Variants in DPP10 observed in about 807,000 individuals in gnomAD.
DPP10 encodes dipeptidyl peptidase like 10, also known as inactive dipeptidyl peptidase 10.
In DPP10, 33 loss-of-function variants were observed where a neutral mutation model predicts 120.9. The ratio of observed to expected loss-of-function variants is 0.27; its 90% CI spans 0.21 to 0.37. The LOEUF is 0.37. Among genes scored for constraint, DPP10 ranks in the 10% least tolerant of loss-of-function variants. The pLI, the probability that DPP10 is intolerant of heterozygous loss-of-function variation, is 1.00. For synonymous variants in DPP10, 337 were observed against 326.1 expected (o/e 1.03, Z -0.36); for missense variants, 816 against 942.8 (o/e 0.87, Z 1.76).
At chr2:114,516,508 C>A (rs1335950613) in intron 1 of DPP10, among the ~76,000 whole-genome samples, 1 of 152,150 alleles carries the variant, frequency 6.6e-6, no homozygotes, top group Non-Finnish European at 1.5e-5. Context: ...TAGTCTTTAG[C>A]CTTTGGACAG....
At chr2:115,733,590 G>GA (rs10584331) in intron 8 of DPP10, among the ~76,000 whole-genome samples, 660 of 144,210 alleles carry the variant, frequency 4.6e-3, no homozygotes, top group Non-Finnish European at 6.4e-3. Context: ...GCAGAAAATT[G>GA]AAAAAAAAAA....
rs779623929 is a variant in DPP10 at position 115,840,838 on chromosome 2, TAGA to T, written c.2256+20_2256+22del. 1.9e-6 allele frequency: 3 copies of T among 1,605,372 alleles called. No individual in the cohort carries two copies. The highest frequency in any genetic ancestry group is 1.7e-6 in the Non-Finnish European group (2 of 1,174,870). On this transcript the variant is annotated intron_variant, in intron 25 of 25. Coordinates refer to ENST00000410059, the MANE Select transcript of DPP10 (RefSeq NM_020868.6). Reference sequence around the variant, plus strand: ...ATACTATGCAGGTAAGCTACTTTCTTAGAAGAACGTGTTTTCCTGCTGTGTTTT... The same window carrying T: ...ATACTATGCAGGTAAGCTACTTTCTTAGAACGTGTTTTCCTGCTGTGTTTT...
intron 5 of DPP10, among the ~76,000 whole-genome samples, chr2:115,646,101 C>T (rs182732517): frequency 1.5e-4 from 23 of 151,708 alleles, no homozygotes; most frequent in Admixed American, 8.5e-4. Context: ...CATGCACGTG[C>T]GTGCGCGCAC....
intron 5 of DPP10, among the ~76,000 whole-genome samples, chr2:115,542,317 A>G (rs2079222587): frequency 6.6e-6 from 1 of 151,972 alleles, no homozygotes; most frequent in South Asian, 2.1e-4. Flanking sequence ...ATATATAAAC[A>G]GAATCATGAA....
intron 1 of DPP10, among the ~76,000 whole-genome samples, chr2:114,782,826 T>C (rs966783867): frequency 6.6e-6 from 1 of 152,134 alleles, no homozygotes; most frequent in Admixed American, 6.6e-5. Context: ...TTTCACATAA[T>C]GCAACCCACA....
At chr2:114,785,734 G>T (rs956013036) in intron 1 of DPP10, among the ~76,000 whole-genome samples, 2 of 152,232 alleles carry the variant, frequency 1.3e-5, no homozygotes, top group African/African-American at 4.8e-5. Context: ...ACAGTCTAAG[G>T]GGGAGCTGAA....
chr2:115,672,621 C>CTTCTTTCT (rs10648127), intron 5 of DPP10, among the ~76,000 whole-genome samples: 48,630 of 145,340 alleles, frequency 0.33, 8,528 homozygotes, highest in Admixed American at 0.45. Flanking sequence ...CATGGCGCCC[C>CTTCTTTCT]TTCTTTCTTT....
chr2:114,785,060 A>G (rs1322395414), intron 1 of DPP10, among the ~76,000 whole-genome samples: 1 of 152,126 alleles, frequency 6.6e-6, no homozygotes, highest in African/African-American at 2.4e-5. Flanking sequence ...TTGGCTCTCT[A>G]GGGAAAGTGG....
chr2:115,184,115 T>A (rs1419519373), intron 1 of DPP10, among the ~76,000 whole-genome samples: 1 of 152,086 alleles, frequency 6.6e-6, no homozygotes, highest in African/African-American at 2.4e-5. Flanking sequence ...AATAAACAAT[T>A]GCAAGAAAGT....
chr2:114,771,079 C>T (rs1681205310), intron 1 of DPP10, among the ~76,000 whole-genome samples: 2 of 152,188 alleles, frequency 1.3e-5, no homozygotes, highest in African/African-American at 4.8e-5. Context: ...GGTCATTCTT[C>T]AGAGCTAATT....
At chr2:115,185,267 G>C (rs192249796) in intron 1 of DPP10, among the ~76,000 whole-genome samples, 65 of 149,054 alleles carry the variant, frequency 4.4e-4, no homozygotes, top group African/African-American at 1.5e-3. Context: ...TTAACTTTTA[G>C]ACTATACGCA....
intron 1 of DPP10, among the ~76,000 whole-genome samples, chr2:115,012,149 G>C (rs1371322705): frequency 1.3e-5 from 2 of 152,078 alleles, no homozygotes; most frequent in East Asian, 3.9e-4. Context: ...CCCAAGGAGA[G>C]ACTGAATTCA....
intron 1 of DPP10, among the ~76,000 whole-genome samples, chr2:115,303,939 G>T (rs1489056912): frequency 1.3e-5 from 2 of 151,824 alleles, no homozygotes; most frequent in Non-Finnish European, 2.9e-5. Flanking sequence ...GTTTATTCCA[G>T]GTATCTTTTA....
At position 114,973,995 on chromosome 2, in the gene DPP10, G is replaced by A. The variant is rs192653884; in HGVS notation, c.61-335244G>A. On this transcript the variant is annotated intron_variant, in intron 1 of 25. Coordinates refer to ENST00000410059, the MANE Select transcript of DPP10 (RefSeq NM_020868.6). ...AGATATTTTTGTACAGCTGTGCCATGTGTTTTAAATTAAGTGTTATTACAG... is the reference window on the plus strand; with the variant it reads ...AGATATTTTTGTACAGCTGTGCCATATGTTTTAAATTAAGTGTTATTACAG... Among the ~76,000 whole-genome samples, 774 of 152,278 alleles carry A rather than the reference G, an allele frequency of 5.1e-3. 3 individuals are homozygous for A. The highest frequency in any genetic ancestry group is 7.2e-3 in the Non-Finnish European group (493 of 68,014).
At chr2:115,585,962 A>G (rs207462202) in intron 5 of DPP10, among the ~76,000 whole-genome samples, 1 of 152,196 alleles carries the variant, frequency 6.6e-6, no homozygotes, top group South Asian at 2.1e-4. Context: ...TGAGGATATA[A>G]TATAGTTTAT....
At chr2:115,361,993 TTTGTGTGTGTATG>T (rs1268837450) in intron 3 of DPP10, among the ~76,000 whole-genome samples, 2 of 80,368 alleles carry the variant, frequency 2.5e-5, no homozygotes, top group Non-Finnish European at 6.1e-5. Context: ...TGTGTGTATG[TTTGTGTGTGTATG>T]TTTTGTGTGT....
chr2:115,602,527 C>G (rs2083396775), intron 5 of DPP10, among the ~76,000 whole-genome samples: 1 of 152,068 alleles, frequency 6.6e-6, no homozygotes, highest in South Asian at 2.1e-4. Context: ...TTTAGTCTTT[C>G]TATTTGCTCT....
intron 1 of DPP10, among the ~76,000 whole-genome samples, chr2:115,018,397 A>G (rs1036071266): frequency 1.3e-5 from 2 of 152,172 alleles, no homozygotes; most frequent in African/African-American, 4.8e-5. Flanking sequence ...TACTATAAAG[A>G]CATATGCACA....
At chr2:114,605,313 C>G (rs926013968) in intron 1 of DPP10, among the ~76,000 whole-genome samples, 3 of 152,112 alleles carry the variant, frequency 2.0e-5, no homozygotes, top group Non-Finnish European at 2.9e-5. Context: ...GGATTTTCTT[C>G]TGTTTCTACC....
Sources: allele counts gnomAD v4.1 joint callset (sites outside exome capture counted in the v4.1 genomes callset), GRCh38; gene constraint gnomAD v4.1.1; transcripts MANE v1.5; gene names NCBI Gene and HGNC (gene_info 2026-07-23, HGNC 2026-07-21).